BCAS3: variants seen among roughly 807,000 people sequenced by gnomAD.
The protein encoded by BCAS3 is BCAS3 microtubule associated cell migration factor.
A neutral mutation model predicts 116.1 loss-of-function variants in BCAS3; 53 were observed. The observed-to-expected ratio is 0.46, with a 90% CI of 0.37 to 0.57. The LOEUF (loss-of-function observed/expected upper bound fraction) is 0.57, where lower values mean the gene tolerates loss of function less well. Ranked by LOEUF, BCAS3 falls within the 20% of genes least tolerant of loss-of-function variation. BCAS3 has a pLI of 0.00. For synonymous variants in BCAS3, 391 were observed against 408.2 expected (o/e 0.96, Z 0.51); for missense variants, 917 against 1,165.4 (o/e 0.79, Z 3.10).
At chr17:60,744,437 C>G (rs976336998) in intron 5 of BCAS3, among the ~76,000 whole-genome samples, 1 of 152,172 alleles carries the variant, frequency 6.6e-6, no homozygotes, top group African/African-American at 2.4e-5. Flanking sequence ...TCTGTAAAGA[C>G]TAACCATCCT....
chr17:61,314,462 G>A (rs2144791482), intron 22 of BCAS3, among the ~76,000 whole-genome samples: 1 of 152,280 alleles, frequency 6.6e-6, no homozygotes, highest in East Asian at 1.9e-4. Context: ...ACATGTTGTG[G>A]GAGAACTGAA....
At position 61,354,037 on chromosome 17, in the gene BCAS3, C is replaced by T. The variant is rs1602989757; in HGVS notation, c.2426-14290C>T. Reference sequence around the variant, plus strand: ...CTGGCCAGACTGTAGCAAGGCCACTCACCAGGCCACCCCGCTGGTTCTACT... The same window carrying T: ...CTGGCCAGACTGTAGCAAGGCCACTTACCAGGCCACCCCGCTGGTTCTACT... On this transcript the variant is annotated intron_variant, in intron 22 of 23. Transcript: ENST00000407086. This position sits in a 1 kb window ranked among gnomAD's most constrained non-coding sequence, Gnocchi z 4.5. 6.6e-6 allele frequency: 1 copy of T among 152,326 alleles called. No homozygotes were observed. The highest frequency in any genetic ancestry group is 6.5e-5 in the Admixed American group (1 of 15,284). The allele number at this position is 152,326 out of a possible 1,614,324, so 9.4% of individuals were successfully genotyped here. A position where few individuals can be genotyped will look rare whatever the true frequency, so the allele number is the denominator to read the frequency against.
At chr17:60,740,760 G>A (rs1200261431) in intron 5 of BCAS3, among the ~76,000 whole-genome samples, 1 of 152,114 alleles carries the variant, frequency 6.6e-6, no homozygotes, top group Non-Finnish European at 1.5e-5. Context: ...GGTAGGTTAA[G>A]CTCTGATATA....
chr17:61,267,887 C>T (rs902639544), intron 22 of BCAS3, among the ~76,000 whole-genome samples: 1 of 152,086 alleles, frequency 6.6e-6, no homozygotes, highest in African/African-American at 2.4e-5. Flanking sequence ...CCTCCACGTC[C>T]GAGAACCTGT....
rs1311810474 is a variant in BCAS3, at chr17:61,235,700, T to A, written c.2426-132627T>A. 9.8e-5 allele frequency among the ~76,000 whole-genome samples: 14 copies of A among 142,558 alleles called. No individual in the cohort carries two copies. Among genetic ancestry groups the A allele is most frequent in the African/African-American group, 1.8e-4 (7 of 38,576 alleles). 93.5% of individuals were successfully genotyped at this position (142,558 alleles called of 152,430 possible). On this transcript the variant is annotated intron_variant, in intron 22 of 23. Coordinates refer to ENST00000407086, the MANE Select transcript of BCAS3 (RefSeq NM_017679.5). This position sits in a 1 kb window ranked among gnomAD's most constrained non-coding sequence, Gnocchi z 5.0. Reference sequence around the variant, plus strand: ...TTGGAAAGAAGACTTTTGAATTGTTTAAAAAAAAAAAAAAGGAGAAGAAGG... The same window carrying A: ...TTGGAAAGAAGACTTTTGAATTGTTAAAAAAAAAAAAAAAGGAGAAGAAGG...
chr17:61,350,662 T>C (rs2057785723), intron 22 of BCAS3, among the ~76,000 whole-genome samples: 1 of 150,824 alleles, frequency 6.6e-6, no homozygotes, highest in Admixed American at 6.6e-5. Flanking sequence ...AGACAGAGTC[T>C]TGCTCTGTTA....
chr17:60,679,592 A>G (rs1223436482), intron 2 of BCAS3, 52 bp downstream of exon 2: 6 of 1,423,838 alleles, frequency 4.2e-6, no homozygotes, highest in East Asian at 2.3e-5. Context: ...TACTCAGAAT[A>G]CTAACATTTA....
At chr17:60,996,378 T>A (rs940090168) in intron 15 of BCAS3, among the ~76,000 whole-genome samples, 1 of 152,210 alleles carries the variant, frequency 6.6e-6, no homozygotes, top group African/African-American at 2.4e-5. Context: ...ATTCTTGATA[T>A]ATTTTTTATG....
At chr17:61,230,142 TACACACACACAC>T (rs58423435) in intron 22 of BCAS3, among the ~76,000 whole-genome samples, 40 of 150,052 alleles carry the variant, frequency 2.7e-4, no homozygotes, top group East Asian at 1.4e-3. Context: ...AGTGTGTGTA[TACACACACACAC>T]ACACACACAC....
rs553306930 is a variant in BCAS3 at position 61,273,677 on chromosome 17, C to T, written c.2426-94650C>T. ...ATGCCTGACCCTCCCTCTAAGACTC[C>T]GGTTTCATGTATCAGACCACTAATA... On this transcript the variant is annotated intron_variant, in intron 22 of 23. Transcript: ENST00000407086. Among the ~76,000 whole-genome samples the T allele has an allele frequency of 1.1e-4, 17 of 148,936 alleles. No individual in the cohort carries two copies. In the East Asian group the frequency reaches 2.2e-3, roughly 19 times the overall value.
rs1285770723 is a variant in BCAS3, at chr17:61,067,736, A to ATATAT, written c.2030-7184_2030-7183insTATAT. Among the ~76,000 whole-genome samples, 69 of 131,980 alleles carry ATATAT rather than the reference A, an allele frequency of 5.2e-4. 1 individual carries two copies. The highest frequency in any genetic ancestry group is 2.3e-3 in the African/African-American group (59 of 25,408). The allele number at this position is 131,980 out of a possible 152,430, so 86.6% of individuals were successfully genotyped here. A position where few individuals can be genotyped will look rare whatever the true frequency, so the allele number is the denominator to read the frequency against. Reference sequence around the variant, plus strand: ...TCTCAAACAAACAAACAAAAAAAAAAAAAAATATATATATATATATAGAAA... The same window carrying ATATAT: ...TCTCAAACAAACAAACAAAAAAAAAATATATAAAAATATATATATATATATAGAAA... On this transcript the variant is annotated intron_variant, in intron 19 of 23. Transcript: ENST00000407086.
chr17:61,117,472 G>A (rs1042981437), intron 22 of BCAS3, among the ~76,000 whole-genome samples: 4 of 152,042 alleles, frequency 2.6e-5, no homozygotes, highest in Non-Finnish European at 5.9e-5. Flanking sequence ...GCTTGCACCT[G>A]TAGACCCAAC....
intron 22 of BCAS3, among the ~76,000 whole-genome samples, chr17:61,165,134 C>T (rs777486443): frequency 1.1e-4 from 17 of 152,204 alleles, no homozygotes; most frequent in Admixed American, 2.6e-4. Context: ...TATGCCCTTT[C>T]CTTACCTAAT....
At position 61,235,368 on chromosome 17, in the gene BCAS3, A is replaced by G. The variant is rs1050365451; in HGVS notation, c.2426-132959A>G. On this transcript the variant is annotated intron_variant, in intron 22 of 23. Coordinates refer to ENST00000407086, the MANE Select transcript of BCAS3 (RefSeq NM_017679.5). The surrounding 1 kb of genome is among the most constrained non-coding windows in gnomAD (Gnocchi z 5.0). Reference sequence around the variant, plus strand: ...GAAGATCTCAAACAAGTAACCTTCAATGAAAATGTACAGTTTTGAGAATTT... The same window carrying G: ...GAAGATCTCAAACAAGTAACCTTCAGTGAAAATGTACAGTTTTGAGAATTT... Among the ~76,000 whole-genome samples, 1 of 152,224 alleles carries G rather than the reference A, an allele frequency of 6.6e-6. No homozygotes were observed. Among genetic ancestry groups the G allele is most frequent in the African/African-American group, 2.4e-5 (1 of 41,462 alleles).
At position 60,768,436 on chromosome 17, in the gene BCAS3, C is replaced by T. The variant is rs936898675; in HGVS notation, c.403+21157C>T. On this transcript the variant is annotated intron_variant, in intron 6 of 23. Coordinates refer to ENST00000407086, the MANE Select transcript of BCAS3 (RefSeq NM_017679.5). ...AAAAGGCTAGACTGGCCTAACCTCC[C>T]AGCCTACATCATTTTCCCATGCTGG... 4.6e-5 allele frequency among the ~76,000 whole-genome samples: 7 copies of T among 152,280 alleles called. No individual in the cohort carries two copies. The East Asian group carries it at 1.4e-3, about 29-fold the overall frequency.
At position 61,302,885 on chromosome 17, in the gene BCAS3, C is replaced by T. The variant is rs541363196; in HGVS notation, c.2426-65442C>T. Among the ~76,000 whole-genome samples the T allele has an allele frequency of 9.9e-5, 15 of 152,278 alleles. No individual in the cohort carries two copies. The highest frequency in any genetic ancestry group is 2.9e-4 in the African/African-American group (12 of 41,544). ...GATCACTTTCTAAATTCCTTTTCCA[C>T]GAAATACGGGCTTTGAGAGAGAAGA... On this transcript the variant is annotated intron_variant, in intron 22 of 23. Coordinates refer to ENST00000407086, the MANE Select transcript of BCAS3 (RefSeq NM_017679.5). This position sits in a 1 kb window ranked among gnomAD's most constrained non-coding sequence, Gnocchi z 4.4.
intron 15 of BCAS3, chr17:61,003,919 A>C (rs528793006): frequency 6.6e-6 from 1 of 152,224 alleles, no homozygotes; most frequent in East Asian, 1.9e-4. Context: ...ATCATACCTC[A>C]AATAGTCACT....
chr17:60,906,019 C>T (rs1332250393), intron 11 of BCAS3, among the ~76,000 whole-genome samples: 1 of 152,198 alleles, frequency 6.6e-6, no homozygotes, highest in African/African-American at 2.4e-5. Context: ...TTGAATATAC[C>T]TGACTTCCAG....
Position 61,105,893 on chromosome 17 carries a change from A to G in BCAS3, c.2425+21329A>G, listed in dbSNP as rs1391282879. Among the ~76,000 whole-genome samples the G allele has an allele frequency of 6.6e-6, 1 of 152,224 alleles. No homozygotes were observed. On this transcript the variant is annotated intron_variant, in intron 22 of 23. Transcript: ENST00000407086. The surrounding 1 kb of genome is among the most constrained non-coding windows in gnomAD (Gnocchi z 4.3). ...TGTTTTATTTAAAATATTGTCCAGA[A>G]ATAAACAATTCATACATGTTCAATT...
Sources: allele counts gnomAD v4.1 joint callset (sites outside exome capture counted in the v4.1 genomes callset), GRCh38; gene constraint gnomAD v4.1.1; non-coding constraint Gnocchi (gnomAD v3.1); transcripts MANE v1.5; gene names NCBI Gene and HGNC (gene_info 2026-07-23, HGNC 2026-07-21).